HAT1: variants seen among roughly 807,000 people sequenced by gnomAD.
HAT1 encodes the protein histone acetyltransferase type B catalytic subunit.
A neutral mutation model predicts 56.6 loss-of-function variants in HAT1; 20 were observed. The ratio of observed to expected loss-of-function variants is 0.35; its 90% confidence interval spans 0.25 to 0.51. HAT1 has a LOEUF of 0.51. Ranked by LOEUF, HAT1 falls within the 20% of genes least tolerant of loss-of-function variation. The pLI, the probability that HAT1 is intolerant of heterozygous loss-of-function variation, is 0.95. For synonymous variants in HAT1, 146 were observed against 165.5 expected (o/e 0.88, Z 0.91); for missense variants, 408 against 504.3 (o/e 0.81, Z 1.83).
At chr2:171,924,397 A>C (rs1686525707) in intron 1 of HAT1, 1 of 152,016 alleles carries the variant, frequency 6.6e-6, no homozygotes, top group African/African-American at 2.4e-5. Context: ...GGGTTTCACC[A>C]TGTTGGCCAG....
At chr2:171,972,492 AGG>A (rs1687842606) in intron 8 of HAT1, among the ~76,000 whole-genome samples, 1 of 152,080 alleles carries the variant, frequency 6.6e-6, no homozygotes, top group Non-Finnish European at 1.5e-5. Context: ...CTTGAACTCC[AGG>A]GCTCCAGCTG....
chr2:171,927,732 C>T (rs1407633203), intron 2 of HAT1, among the ~76,000 whole-genome samples: 1 of 152,062 alleles, frequency 6.6e-6, no homozygotes, highest in African/African-American at 2.4e-5. Context: ...GGATTACAGG[C>T]ATGTGCCACC....
chr2:171,948,851 T>C (rs1687234698), intron 3 of HAT1, among the ~76,000 whole-genome samples: 1 of 152,224 alleles, frequency 6.6e-6, no homozygotes, highest in African/African-American at 2.4e-5. Context: ...GTGTATCACA[T>C]CAGGAAGTCC....
chr2:171,969,977 T>C (rs1364866258), intron 8 of HAT1, among the ~76,000 whole-genome samples: 1 of 152,084 alleles, frequency 6.6e-6, no homozygotes, highest in Non-Finnish European at 1.5e-5. Flanking sequence ...CATAGGGAGA[T>C]TCCCGTCTCT....
At chr2:171,973,400 C>CAAAAAAA (rs67088559) in intron 8 of HAT1, among the ~76,000 whole-genome samples, 1 of 133,624 alleles carries the variant, frequency 7.5e-6, no homozygotes. Flanking sequence ...CCAATTTCTG[C>CAAAAAAA]AAAAAAAAAA....
At chr2:171,933,628 T>A (rs1035961157) in intron 2 of HAT1, among the ~76,000 whole-genome samples, 2 of 152,220 alleles carry the variant, frequency 1.3e-5, no homozygotes, top group Admixed American at 6.5e-5. Flanking sequence ...AAAATATTTT[T>A]AAATTTCCCT....
chr2:171,923,603 G>GCATT (rs1686501785), intron 1 of HAT1: 1 of 152,076 alleles, frequency 6.6e-6, no homozygotes, highest in Non-Finnish European at 1.5e-5. Context: ...TCTTTACAGG[G>GCATT]CATTCCTCAT....
At chr2:171,968,564 T>C (rs977150454) in intron 8 of HAT1, among the ~76,000 whole-genome samples, 3 of 152,202 alleles carry the variant, frequency 2.0e-5, no homozygotes, top group African/African-American at 4.8e-5. Flanking sequence ...CCTTTATTCA[T>C]TGGTGTTATT....
At chr2:171,928,410 A>G (rs1413462264) in intron 2 of HAT1, among the ~76,000 whole-genome samples, 1 of 152,250 alleles carries the variant, frequency 6.6e-6, no homozygotes, top group Admixed American at 6.5e-5. Context: ...AAATGGAATT[A>G]TACCATATAT....
At chr2:171,975,179 A>G (rs1410108115) in intron 8 of HAT1, among the ~76,000 whole-genome samples, 11 of 149,572 alleles carry the variant, frequency 7.4e-5, no homozygotes, top group Non-Finnish European at 1.3e-4. Flanking sequence ...ACCTTGGCTC[A>G]CTGCAACCTC....
chr2:171,977,559 T>TATATATATATATATATA (rs1688019365), intron 9 of HAT1, among the ~76,000 whole-genome samples: 3 of 10,588 alleles, frequency 2.8e-4, no homozygotes, highest in African/African-American at 8.4e-4. Flanking sequence ...ATATATATAT[T>TATATATATATATATATA]TTTTTTTTTT....
chr2:171,929,555 A>G (rs1378506142), intron 2 of HAT1, among the ~76,000 whole-genome samples: 1 of 152,336 alleles, frequency 6.6e-6, no homozygotes, highest in East Asian at 1.9e-4. Context: ...CAAGGAGATC[A>G]TGAAGCTCTC....
intron 10 of HAT1, among the ~76,000 whole-genome samples, chr2:171,981,105 G>A (rs887811642): frequency 5.9e-5 from 9 of 151,958 alleles, no homozygotes; most frequent in Admixed American, 2.0e-4. Context: ...GGGAGGCAGA[G>A]GTTGCAGTGA....
intron 3 of HAT1, among the ~76,000 whole-genome samples, chr2:171,952,504 C>T (rs1574050647): frequency 6.6e-6 from 1 of 152,164 alleles, no homozygotes; most frequent in Non-Finnish European, 1.5e-5. Flanking sequence ...AGCTGCTTGC[C>T]TAGCCAGGTC....
chr2:171,935,201 A>T (rs1413459333), intron 2 of HAT1, among the ~76,000 whole-genome samples: 1 of 152,028 alleles, frequency 6.6e-6, no homozygotes, highest in Non-Finnish European at 1.5e-5. Context: ...TAGAAGAGGG[A>T]CAGTGAAATT....
chr2:171,930,185 G>A (rs77249250), intron 2 of HAT1, among the ~76,000 whole-genome samples: 2,335 of 151,828 alleles, frequency 0.015, 36 homozygotes, highest in Non-Finnish European at 0.026. Flanking sequence ...ATTTATTTTT[G>A]TATGTGTGAC....
At chr2:171,941,609 C>T (rs1574042190) in intron 2 of HAT1, among the ~76,000 whole-genome samples, 3 of 152,314 alleles carry the variant, frequency 2.0e-5, no homozygotes, top group African/African-American at 7.2e-5. Context: ...AACCTAGATC[C>T]CTTGCATGAG....
intron 2 of HAT1, among the ~76,000 whole-genome samples, chr2:171,929,137 T>A (rs1401665644): frequency 6.6e-6 from 1 of 152,234 alleles, no homozygotes; most frequent in Non-Finnish European, 1.5e-5. Context: ...CTACTGGGTT[T>A]ATAGTAGTAT....
intron 8 of HAT1, among the ~76,000 whole-genome samples, chr2:171,972,244 GT>G (rs572188174): frequency 3.8e-4 from 52 of 137,550 alleles, no homozygotes; most frequent in Admixed American, 1.0e-3. Context: ...TGTTTTTGTT[GT>G]TTTTTTTTTT....
Sources: allele counts gnomAD v4.1 joint callset (sites outside exome capture counted in the v4.1 genomes callset), GRCh38; gene constraint gnomAD v4.1.1; transcripts MANE v1.5; gene names NCBI Gene and HGNC (gene_info 2026-07-23, HGNC 2026-07-21).